Variants in LAMA4 observed in about 807,000 individuals in gnomAD.
LAMA4 encodes laminin subunit alpha 4.
LAMA4 carries 127 observed loss-of-function variants against 207.1 expected under a neutral mutation model. The ratio of observed to expected loss-of-function variants is 0.61; its 90% CI spans 0.53 to 0.71. The LOEUF (loss-of-function observed/expected upper bound fraction) is 0.71, where lower values mean the gene tolerates loss of function less well. Among genes scored for constraint, LAMA4 ranks in the 30% least tolerant of loss-of-function variants. The pLI is 0.00. For missense variants in LAMA4, 2,093 were observed against 2,246.5 expected (o/e 0.93, Z 1.38); for synonymous variants, 761 against 816.0 (o/e 0.93, Z 1.15).
Position 112,198,448 on chromosome 6 carries a change from G to A in LAMA4, c.503+3160C>T, listed in dbSNP as rs1341818699. The stretch of plus-strand genomic sequence containing the variant: ...ACATTGAAAGCACAGATTAGGCGAA[G>A]GTTAACTCAGGCAACTTAAGAGCTT... On this transcript the variant is annotated intron_variant, in intron 5 of 38. Transcript: ENST00000230538. Among the ~76,000 whole-genome samples the A allele has an allele frequency of 2.6e-5, 4 of 152,122 alleles. No homozygotes were observed. In the East Asian group the frequency reaches 7.7e-4, roughly 29 times the overall value.
intron 17 of LAMA4, among the ~76,000 whole-genome samples, chr6:112,149,426 T>G (rs2114745918): frequency 6.6e-6 from 1 of 151,118 alleles, no homozygotes; most frequent in Admixed American, 6.6e-5. Flanking sequence ...ATGGGAGGGA[T>G]GGGTGGGAAA....
intron 35 of LAMA4, 67 bp from the exon 36 acceptor site, chr6:112,116,060 T>C (rs1778000198): frequency 6.9e-7 from 1 of 1,439,994 alleles, no homozygotes; most frequent in Admixed American, 1.7e-5. Flanking sequence ...GGTGTGATTT[T>C]GTAATTATAT....
At chr6:112,221,366 C>G (rs1362377975) in intron 2 of LAMA4, among the ~76,000 whole-genome samples, 1 of 152,170 alleles carries the variant, frequency 6.6e-6, no homozygotes, top group African/African-American at 2.4e-5. Flanking sequence ...AACTCATCTT[C>G]CTTTCTGAAT....
Position 112,172,756 on chromosome 6 carries a change from G to A in LAMA4, c.1406C>T (p.Thr469Ile). The part of the protein sequence containing the change: ...SWQRLHNETR[T>I]LFPVVLEQLD... The stretch of plus-strand genomic sequence containing the variant: ...CTGCTCCAGGACGACAGGAAACAGA[G>A]TGCGGGTCTCATTGTGCAGCCGCTG... Residue 469 changes from threonine to isoleucine, a missense_variant, in exon 12 of 39, where the codon ACT (threonine) becomes ATT (isoleucine). Around this residue, in one of 3 missense-constraint regions of LAMA4, gnomAD observed 1,704 missense variants for 1,788.4 expected, o/e 0.95. Transcript: ENST00000230538. The A allele has an allele frequency of 3.7e-6, 6 of 1,614,098 alleles. No individual in the cohort carries two copies. The highest frequency in any genetic ancestry group is 1.7e-4 in the Middle Eastern group (1 of 6,050).
chr6:112,131,074 T>C lies in LAMA4; in HGVS notation c.3862A>G (p.Asn1288Asp). The change falls in exon 29 of 39, where the codon AAT (asparagine) becomes GAT (aspartate). Residue 1288 changes from asparagine (N) to aspartate (D), a missense_variant. Physicochemically the swap from Asn to Asp is conservative, Grantham distance 23 (BLOSUM62 1). Transcript: ENST00000230538. ...GSDVFSISLD[N>D]GTVIMDVKGI... ...TTTACATCCATGATGACAGTACCAT[T>C]ATCCAGTGAGATGGAGAACACGTCT... 2 of 1,613,142 alleles carry C rather than the reference T, an allele frequency of 1.2e-6. No homozygotes were observed. Among genetic ancestry groups the C allele is most frequent in the South Asian group, 1.1e-5 (1 of 91,058 alleles).
chr6:112,148,297 G>A lies in LAMA4; in HGVS notation c.2213C>T (p.Thr738Ile), dbSNP rs912254876. Residue 738 changes from threonine (T) to isoleucine (I), a missense_variant, in exon 18 of 39, where the codon ACC (threonine) becomes ATC (isoleucine). Transcript: ENST00000230538. The stretch of plus-strand genomic sequence containing the variant: ...CATCGTCGTCCTGTTGGCTTCCTCG[G>A]TGATCAGTCTAGACTGCCCCAGGCG... ...QQRLGQSRLI[T>I]EEANRTTMEV... 2.5e-6 allele frequency: 4 copies of A among 1,614,158 alleles called. No individual in the cohort carries two copies. The highest frequency in any genetic ancestry group is 3.4e-6 in the Non-Finnish European group (4 of 1,180,020).
intron 16 of LAMA4, among the ~76,000 whole-genome samples, chr6:112,154,155 T>G (rs1780558025): frequency 6.6e-6 from 1 of 152,142 alleles, no homozygotes; most frequent in Non-Finnish European, 1.5e-5. Flanking sequence ...TTAGTGAATT[T>G]CTTAGTCCAT....
intron 22 of LAMA4, 96 bp from the exon 23 acceptor site, chr6:112,139,981 C>A: frequency 8.2e-7 from 1 of 1,224,122 alleles, no homozygotes; most frequent in Non-Finnish European, 1.2e-6. Context: ...GTCAAGGAGA[C>A]CTACCCCTTT....
At chr6:112,200,504 C>G (rs1554352034) in intron 5 of LAMA4, among the ~76,000 whole-genome samples, 1 of 152,150 alleles carries the variant, frequency 6.6e-6, no homozygotes, top group African/African-American at 2.4e-5. Context: ...ACCAGAATTA[C>G]CATTTGACCC....
At chr6:112,109,649 TG>T in intron 38 of LAMA4, 67 bp from the exon 39 acceptor site, 1 of 1,503,748 alleles carries the variant, frequency 6.7e-7, no homozygotes, top group African/African-American at 1.5e-5. Context: ...TATTACTTCC[TG>T]GTAAAAGTAT....
In LAMA4 at chr6:112,185,921, C is replaced by G. The variant is rs540587546; in HGVS notation, c.967-574G>C. On this transcript the variant is annotated intron_variant, in intron 8 of 38. Transcript: ENST00000230538. Reference sequence around the variant, plus strand: ...AATGATTCCTGTCTTGAAGTTGTGCCTTTGAGGAAAGAGAATCTGAGTGGT... The same window carrying G: ...AATGATTCCTGTCTTGAAGTTGTGCGTTTGAGGAAAGAGAATCTGAGTGGT... Among the ~76,000 whole-genome samples, 12 of 152,228 alleles carry G rather than the reference C, an allele frequency of 7.9e-5. No homozygotes were observed. The South Asian group carries it at 2.1e-3, about 26-fold the overall frequency.
At chr6:112,120,532 C>T in intron 32 of LAMA4, 60 bp from the exon 33 acceptor site, 1 of 1,311,466 alleles carries the variant, frequency 7.6e-7, no homozygotes, top group South Asian at 1.2e-5. Flanking sequence ...TAATCTCTAA[C>T]TTCTTAAAAT....
intron 37 of LAMA4, 115 bp from the exon 38 acceptor site, chr6:112,114,310 CT>C (rs1554322621): frequency 2.0e-6 from 2 of 1,023,450 alleles, no homozygotes; most frequent in East Asian, 5.0e-5. Context: ...AAAACCCACA[CT>C]TTCTTCTATA....
intron 12 of LAMA4, chr6:112,172,334 T>C (rs1781763848): frequency 2.5e-6 from 1 of 405,176 alleles, no homozygotes; most frequent in Non-Finnish European, 4.6e-6. Flanking sequence ...ATGCATTGCT[T>C]ACCCACTTGC....
chr6:112,114,688 A>G lies in LAMA4; in HGVS notation c.5181T>C (p.Cys1727=), dbSNP rs1554322876. 1 of 1,612,940 alleles carries G rather than the reference A, an allele frequency of 6.2e-7. No homozygotes were observed. The highest frequency in any genetic ancestry group is 2.2e-5 in the East Asian group (1 of 44,838). The part of the protein sequence containing the change: ...STSVTPKQSL[C]DGRWHRITVI... ...CTGTAATTCTGTGCCATCTGCCATC[A>G]CAGAGACTCTGCTTGGGTGTAACTG... Residue 1727 remains cysteine, a synonymous_variant, in exon 37 of 39, where the codon TGT becomes TGC. Transcript: ENST00000230538.
chr6:112,170,257 A>T (rs940013908), intron 12 of LAMA4, among the ~76,000 whole-genome samples: 9 of 152,206 alleles, frequency 5.9e-5, no homozygotes, highest in African/African-American at 2.2e-4. Flanking sequence ...CCTGTGGCTA[A>T]GGGCACAGCT....
At chr6:112,234,493 GAACT>G (rs1324529436) in intron 2 of LAMA4, 2 of 151,524 alleles carry the variant, frequency 1.3e-5, no homozygotes, top group African/African-American at 4.8e-5. Flanking sequence ...TGGATGATTT[GAACT>G]AACTCAAAGG....
At chr6:112,189,963 C>T (rs1782920780) in intron 6 of LAMA4, among the ~76,000 whole-genome samples, 1 of 152,154 alleles carries the variant, frequency 6.6e-6, no homozygotes, top group Non-Finnish European at 1.5e-5. Flanking sequence ...ATTCTCTTAC[C>T]ATCTATGCTA....
At chr6:112,216,681 CT>C in intron 2 of LAMA4, 1 of 557,650 alleles carries the variant, frequency 1.8e-6, no homozygotes, top group Non-Finnish European at 3.2e-6. Flanking sequence ...TGTTACATAA[CT>C]TTTTCCCTCC....
Sources: allele counts gnomAD v4.1 joint callset (sites outside exome capture counted in the v4.1 genomes callset), GRCh38; gene constraint gnomAD v4.1.1; regional missense constraint gnomAD v4.1.1; transcripts MANE v1.5; gene names NCBI Gene and HGNC (gene_info 2026-07-23, HGNC 2026-07-21).